The following PPM1E variants were observed in gnomAD, a reference collection of about 807,000 sequenced individuals.
PPM1E encodes the protein protein phosphatase, Mg2+/Mn2+ dependent 1E, also known as protein phosphatase 1E.
In PPM1E, 20 loss-of-function variants were observed where a neutral mutation model predicts 65.9. The observed-to-expected ratio is 0.30, with a 90% confidence interval of 0.21 to 0.44. The LOEUF is 0.44. Ranked by LOEUF, PPM1E falls within the 20% of genes least tolerant of loss-of-function variation. The pLI, the probability that PPM1E is intolerant of heterozygous loss-of-function variation, is 1.00. For synonymous variants in PPM1E, 352 were observed against 374.9 expected (o/e 0.94, Z 0.70); for missense variants, 713 against 953.1 (o/e 0.75, Z 3.32).
At chr17:58,830,708 C>T (rs946828587) in intron 1 of PPM1E, among the ~76,000 whole-genome samples, 7 of 151,482 alleles carry the variant, frequency 4.6e-5, no homozygotes, top group African/African-American at 1.2e-4. Context: ...TTTTTTGAGA[C>T]GGAGTCTCAC....
intron 1 of PPM1E, among the ~76,000 whole-genome samples, chr17:58,913,174 A>G (rs531218358): frequency 6.6e-6 from 1 of 152,300 alleles, no homozygotes; most frequent in Non-Finnish European, 1.5e-5. Flanking sequence ...ACATATCTCC[A>G]AGTAGATAGA....
intron 1 of PPM1E, among the ~76,000 whole-genome samples, chr17:58,921,249 TTGAC>T (rs1403865893): frequency 2.6e-5 from 4 of 152,192 alleles, no homozygotes; most frequent in African/African-American, 9.7e-5. Context: ...AAATGGGACT[TTGAC>T]TGAGGAGGTG....
intron 1 of PPM1E, among the ~76,000 whole-genome samples, chr17:58,913,637 G>A (rs576259288): frequency 3.3e-4 from 51 of 152,250 alleles, no homozygotes; most frequent in African/African-American, 1.2e-3. Flanking sequence ...TTGGCAGCAG[G>A]GGGCTAGGGG....
chr17:58,951,838 C>A (rs1175364326), intron 1 of PPM1E, among the ~76,000 whole-genome samples: 3 of 152,128 alleles, frequency 2.0e-5, no homozygotes, highest in Non-Finnish European at 4.4e-5. Flanking sequence ...AATTCTTTTT[C>A]TGGCATTTTA....
chr17:58,839,666 G>A (rs995661588), intron 1 of PPM1E, among the ~76,000 whole-genome samples: 1 of 151,974 alleles, frequency 6.6e-6, no homozygotes, highest in Non-Finnish European at 1.5e-5. Flanking sequence ...CTGTTGGAGT[G>A]GAAATTTTAT....
At chr17:58,900,488 T>A (rs1402878500) in intron 1 of PPM1E, among the ~76,000 whole-genome samples, 5 of 152,206 alleles carry the variant, frequency 3.3e-5, no homozygotes, top group Non-Finnish European at 7.4e-5. Context: ...TATTTTTAAA[T>A]TAAGTTATGT....
chr17:58,977,510 T>A (rs189846328), intron 6 of PPM1E, among the ~76,000 whole-genome samples: 1 of 150,588 alleles, frequency 6.6e-6, no homozygotes, highest in Admixed American at 6.6e-5. Flanking sequence ...AGATGAGAGG[T>A]TGTGTTTGTG....
intron 1 of PPM1E, among the ~76,000 whole-genome samples, chr17:58,920,403 A>G (rs1231163953): frequency 2.0e-5 from 3 of 152,098 alleles, no homozygotes; most frequent in Non-Finnish European, 4.4e-5. Context: ...GTCGTTACTA[A>G]TAACTAAACC....
intron 1 of PPM1E, among the ~76,000 whole-genome samples, chr17:58,764,676 G>A (rs1250779169): frequency 2.0e-5 from 3 of 152,064 alleles, no homozygotes; most frequent in Non-Finnish European, 4.4e-5. Flanking sequence ...GGAGTGTAGT[G>A]GCTCAATCAT....
chr17:58,951,309 G>A (rs1265538297), intron 1 of PPM1E: 1 of 152,136 alleles, frequency 6.6e-6, no homozygotes, highest in Non-Finnish European at 1.5e-5. Flanking sequence ...ACTAAGTTTG[G>A]CATCAATATG....
intron 1 of PPM1E, among the ~76,000 whole-genome samples, chr17:58,944,404 C>T (rs2052116679): frequency 6.6e-6 from 1 of 152,108 alleles, no homozygotes; most frequent in African/African-American, 2.4e-5. Flanking sequence ...AATACAGTCA[C>T]AGTTGTTCAA....
At chr17:58,794,532 A>G (rs1180775104) in intron 1 of PPM1E, among the ~76,000 whole-genome samples, 1 of 152,154 alleles carries the variant, frequency 6.6e-6, no homozygotes, top group African/African-American at 2.4e-5. Context: ...ATAGTACCCA[A>G]TAGGTAGTTT....
chr17:58,833,359 G>A (rs1472288), intron 1 of PPM1E, among the ~76,000 whole-genome samples: 93,274 of 146,684 alleles, frequency 0.64, 30,041 homozygotes, highest in African/African-American at 0.71. Context: ...TTGAAACCCA[G>A]TAGTTTTTCA....
chr17:58,858,985 T>C (rs750221783), intron 1 of PPM1E, among the ~76,000 whole-genome samples: 1 of 152,236 alleles, frequency 6.6e-6, no homozygotes, highest in Non-Finnish European at 1.5e-5. Flanking sequence ...AATAATGCGA[T>C]TCAGAAAGTG....
At chr17:58,861,548 A>T (rs1179206033) in intron 1 of PPM1E, among the ~76,000 whole-genome samples, 1 of 152,138 alleles carries the variant, frequency 6.6e-6, no homozygotes, top group African/African-American at 2.4e-5. Context: ...CCAAGAATTG[A>T]TTCCTTTTAG....
intron 6 of PPM1E, among the ~76,000 whole-genome samples, chr17:58,978,867 T>G (rs749512991): frequency 3.9e-5 from 6 of 152,156 alleles, no homozygotes; most frequent in Non-Finnish European, 8.8e-5. Context: ...CTGAAAGCCC[T>G]AAATGATCAA....
At chr17:58,773,957 T>G (rs1598561915) in intron 1 of PPM1E, among the ~76,000 whole-genome samples, 1 of 151,880 alleles carries the variant, frequency 6.6e-6, no homozygotes, top group South Asian at 2.1e-4. Context: ...AGGTCAGGAG[T>G]TCCAGACCAG....
intron 1 of PPM1E, among the ~76,000 whole-genome samples, chr17:58,840,951 A>G (rs1279039677): frequency 6.6e-6 from 1 of 152,216 alleles, no homozygotes; most frequent in Admixed American, 6.5e-5. Context: ...GCAAAGGGGC[A>G]GGGCTGGAGG....
intron 1 of PPM1E, among the ~76,000 whole-genome samples, chr17:58,921,515 C>T (rs1214585571): frequency 6.6e-6 from 1 of 151,088 alleles, no homozygotes; most frequent in Non-Finnish European, 1.5e-5. Context: ...GAGACTCCAT[C>T]TCTACAAACA....
Sources: gnomAD v4.1 joint callset for allele counts (sites outside exome capture counted in the v4.1 genomes callset) on GRCh38, gnomAD v4.1.1 for gene constraint, MANE v1.5 for transcripts, NCBI Gene and HGNC (gene_info 2026-07-23, HGNC 2026-07-21) for gene names.